EXOC6: variants seen among roughly 807,000 people sequenced by gnomAD.
The protein encoded by EXOC6 is exocyst complex component 6.
EXOC6 carries 60 observed loss-of-function variants against 112.5 expected under a neutral mutation model. That is an observed-to-expected ratio of 0.53 (90% CI 0.43 to 0.66). EXOC6 has a LOEUF of 0.66. EXOC6 is among the 30% of genes least tolerant of loss of function. The pLI is 0.00. For missense variants in EXOC6, 855 were observed against 957.1 expected, an observed-to-expected ratio of 0.89 and a Z score of 1.41; for synonymous variants, 295 against 308.0, an observed-to-expected ratio of 0.96 and a Z score of 0.44.
intron 7 of EXOC6, among the ~76,000 whole-genome samples, chr10:92,918,138 G>A (rs949490036): frequency 7.2e-5 from 11 of 151,916 alleles, no homozygotes; most frequent in South Asian, 4.1e-4. Flanking sequence ...AGAGTGAGAC[G>A]CCCATTTCAA....
At chr10:93,003,451 G>C (rs963317070) in intron 19 of EXOC6, among the ~76,000 whole-genome samples, 13 of 152,122 alleles carry the variant, frequency 8.5e-5, no homozygotes, top group African/African-American at 2.9e-4. Flanking sequence ...CAATGTGTTG[G>C]TGCTCTTTTT....
At chr10:93,056,295 T>C (rs1846534041) in intron 20 of EXOC6, among the ~76,000 whole-genome samples, 1 of 152,188 alleles carries the variant, frequency 6.6e-6, no homozygotes, top group Non-Finnish European at 1.5e-5. Context: ...GAGGGTTTCT[T>C]TTTTGTTGTT....
intron 1 of EXOC6, among the ~76,000 whole-genome samples, chr10:92,858,408 T>C (rs919885027): frequency 1.3e-5 from 2 of 152,142 alleles, no homozygotes; most frequent in Non-Finnish European, 2.9e-5. Context: ...TCATTTTCCT[T>C]ATTCTTTTTT....
chr10:92,935,754 C>A, intron 11 of EXOC6, 60 bp from the exon 12 acceptor site: 2 of 1,090,540 alleles, frequency 1.8e-6, no homozygotes, highest in Admixed American at 1.9e-5. Context: ...AGTTTTTAAT[C>A]ATATGACTCT....
intron 18 of EXOC6, among the ~76,000 whole-genome samples, chr10:92,985,664 G>A (rs564495892): frequency 3.4e-4 from 51 of 152,114 alleles, no homozygotes; most frequent in African/African-American, 8.2e-4. Flanking sequence ...CAAATGTAAC[G>A]TTTCAATCCA....
intron 18 of EXOC6, among the ~76,000 whole-genome samples, chr10:92,976,433 G>A (rs1327284048): frequency 2.6e-5 from 4 of 151,988 alleles, no homozygotes; most frequent in Non-Finnish European, 5.9e-5. Context: ...GGCGGTGCAA[G>A]ATGTGCTTTG....
At chr10:93,006,886 G>A (rs1432345600) in intron 19 of EXOC6, among the ~76,000 whole-genome samples, 2 of 152,098 alleles carry the variant, frequency 1.3e-5, no homozygotes. Flanking sequence ...TCATTTGCAA[G>A]CAAGATCTTA....
chr10:92,955,368 TGGTG>T (rs1437855569), intron 16 of EXOC6, among the ~76,000 whole-genome samples: 4 of 149,142 alleles, frequency 2.7e-5, no homozygotes, highest in Non-Finnish European at 5.9e-5. Context: ...TTTAGACTCT[TGGTG>T]TGTGTGTGTG....
At chr10:93,028,443 A>C (rs555236347) in intron 20 of EXOC6, among the ~76,000 whole-genome samples, 27 of 152,232 alleles carry the variant, frequency 1.8e-4, no homozygotes, top group Non-Finnish European at 3.5e-4. Context: ...AAATCTCATG[A>C]TAAAATTTGA....
chr10:92,932,267 G>T (rs1265435191), intron 9 of EXOC6, among the ~76,000 whole-genome samples: 1 of 152,100 alleles, frequency 6.6e-6, no homozygotes, highest in African/African-American at 2.4e-5. Context: ...GACAGAATGG[G>T]ATCAGTGGTG....
intron 1 of EXOC6, among the ~76,000 whole-genome samples, chr10:92,875,617 C>CTT: frequency 6.6e-6 from 1 of 152,088 alleles, no homozygotes; most frequent in East Asian, 1.9e-4. Context: ...TAATGAAAAA[C>CTT]ACAAACTTTC....
intron 19 of EXOC6, among the ~76,000 whole-genome samples, chr10:93,003,916 C>G (rs1843867496): frequency 1.3e-5 from 2 of 152,068 alleles, no homozygotes; most frequent in Non-Finnish European, 2.9e-5. Context: ...TGTGATAAGA[C>G]AATGTTTAGG....
intron 18 of EXOC6, among the ~76,000 whole-genome samples, chr10:92,996,471 G>A (rs1359151937): frequency 6.6e-6 from 1 of 152,096 alleles, no homozygotes; most frequent in Non-Finnish European, 1.5e-5. Flanking sequence ...CAAAAAATTA[G>A]CCAGGCGTGG....
At chr10:92,839,070 T>TA (rs778968233) in intron 1 of EXOC6, among the ~76,000 whole-genome samples, 178 of 142,354 alleles carry the variant, frequency 1.3e-3, no homozygotes, top group East Asian at 2.5e-3. Flanking sequence ...GAGACTCCTC[T>TA]AAAAAAAAAA....
At chr10:92,889,228 C>T (rs1589769410) in intron 1 of EXOC6, among the ~76,000 whole-genome samples, 1 of 152,070 alleles carries the variant, frequency 6.6e-6, no homozygotes, top group South Asian at 2.1e-4. Context: ...TAAGCACTTA[C>T]CATGTGTCAG....
At chr10:92,913,165 T>C (rs1850896638) in intron 6 of EXOC6, among the ~76,000 whole-genome samples, 1 of 152,198 alleles carries the variant, frequency 6.6e-6, no homozygotes, top group South Asian at 2.1e-4. Context: ...TACAAGATAG[T>C]AGTGTCTCCT....
At chr10:92,865,993 G>C (rs551869480) in intron 1 of EXOC6, among the ~76,000 whole-genome samples, 2 of 152,184 alleles carry the variant, frequency 1.3e-5, no homozygotes, top group African/African-American at 4.8e-5. Context: ...GAGGAGATGG[G>C]AGGAGTTGGT....
intron 20 of EXOC6, among the ~76,000 whole-genome samples, chr10:93,051,253 T>C (rs1183996556): frequency 6.6e-6 from 1 of 152,198 alleles, no homozygotes; most frequent in Admixed American, 6.5e-5. Context: ...GCATGTACAG[T>C]TCACCTGAGT....
chr10:92,948,342 TC>T lies in EXOC6; in HGVS notation c.1380del (p.Ser461AlafsTer53). ...VVNEEEYKIV[I>X]SKFPFQDPDL... ...AATGAAGAAGAATATAAAATTGTCA[TC>T]AGCAAATTTCCCTTTCAAGATCCAG... On this transcript the variant is annotated frameshift_variant, in exon 14 of 22. Coordinates refer to ENST00000260762, the MANE Select transcript of EXOC6 (RefSeq NM_019053.6). LOFTEE classifies it high-confidence loss of function. 6.2e-7 allele frequency: 1 copy of T among 1,607,576 alleles called. No homozygotes were observed. The highest frequency in any genetic ancestry group is 8.5e-7 in the Non-Finnish European group (1 of 1,177,228).
Sources: allele counts gnomAD v4.1 joint callset (sites outside exome capture counted in the v4.1 genomes callset), GRCh38; gene constraint gnomAD v4.1.1; transcripts MANE v1.5; gene names NCBI Gene and HGNC (gene_info 2026-07-23, HGNC 2026-07-21).